The following CSMD1 variants were observed in gnomAD, a reference collection of about 807,000 sequenced individuals.
CSMD1 encodes CUB and sushi domain-containing protein 1.
CSMD1 carries 213 observed loss-of-function variants against 417.5 expected under a neutral mutation model. The ratio of observed to expected loss-of-function variants is 0.51; its 90% CI spans 0.46 to 0.57. CSMD1 has a LOEUF of 0.57. Among genes scored for constraint, CSMD1 ranks in the 20% least tolerant of loss-of-function variants. The pLI is 0.00. For synonymous variants in CSMD1, 2,862 were observed against 1,736.8 expected (o/e 1.65, Z -16.11); for missense variants, 6,923 against 4,529.7 (o/e 1.53, Z -15.17).
At chr8:4,374,967 G>GT (rs1295095355) in intron 3 of CSMD1, among the ~76,000 whole-genome samples, 15 of 133,664 alleles carry the variant, frequency 1.1e-4, no homozygotes, top group Non-Finnish European at 1.8e-4. Context: ...GGGGTGGGGG[G>GT]GGGGGGCGAT....
intron 26 of CSMD1, among the ~76,000 whole-genome samples, chr8:3,283,164 T>C (rs924586478): frequency 1.3e-5 from 2 of 152,164 alleles, no homozygotes; most frequent in African/African-American, 2.4e-5. Context: ...TATTAGCTTC[T>C]TGAAACTTTA....
intron 26 of CSMD1, among the ~76,000 whole-genome samples, chr8:3,254,443 TCTC>T (rs1284550570): frequency 3.9e-5 from 6 of 152,212 alleles, no homozygotes. Context: ...TTGGGGAAGT[TCTC>T]CTGGTTTATA....
At chr8:4,168,718 A>G (rs557356758) in intron 3 of CSMD1, among the ~76,000 whole-genome samples, 1 of 152,300 alleles carries the variant, frequency 6.6e-6, no homozygotes, top group East Asian at 1.9e-4. Flanking sequence ...ACAAAAAAAG[A>G]ACCCAACTCT....
chr8:3,118,721 G>C, intron 41 of CSMD1, 134 bp from the exon 42 acceptor site: 1 of 690,428 alleles, frequency 1.4e-6, no homozygotes. Flanking sequence ...TATTTTCTAA[G>C]TAGTCAGTTG....
intron 5 of CSMD1, among the ~76,000 whole-genome samples, chr8:3,916,173 T>A (rs143216592): frequency 6.6e-6 from 1 of 152,208 alleles, no homozygotes; most frequent in African/African-American, 2.4e-5. Flanking sequence ...TTCAAGAAAT[T>A]GAAGACAACA....
intron 12 of CSMD1, among the ~76,000 whole-genome samples, chr8:3,464,385 A>T (rs1480367916): frequency 6.6e-6 from 1 of 152,124 alleles, no homozygotes; most frequent in Non-Finnish European, 1.5e-5. Context: ...GTTATGAGGG[A>T]ACCCAACTTT....
At chr8:4,084,543 G>T (rs1479258394) in intron 3 of CSMD1, among the ~76,000 whole-genome samples, 1 of 152,044 alleles carries the variant, frequency 6.6e-6, no homozygotes, top group East Asian at 1.9e-4. Context: ...CAAGGAAAAG[G>T]ACAATTGGTA....
intron 3 of CSMD1, among the ~76,000 whole-genome samples, chr8:4,298,791 A>T (rs1328850341): frequency 1.3e-5 from 2 of 152,092 alleles, no homozygotes; most frequent in Non-Finnish European, 2.9e-5. Context: ...ATTTTGAAGA[A>T]TGTGTTTGTA....
In CSMD1 at chr8:4,547,154, G is replaced by C. The variant is rs544547249; in HGVS notation, c.302+90188C>G. ...TCTAAATTATTTCATCAGACCTGCTGTTTTCTGTCTCTATCCCAACCCGTC... is the reference window on the plus strand; with the variant it reads ...TCTAAATTATTTCATCAGACCTGCTCTTTTCTGTCTCTATCCCAACCCGTC... On this transcript the variant is annotated intron_variant, in intron 2 of 69. Transcript: ENST00000635120. Among the ~76,000 whole-genome samples the C allele has an allele frequency of 3.7e-3, 564 of 152,234 alleles. 3 individuals are homozygous for C. Among genetic ancestry groups the C allele is most frequent in the African/African-American group, 0.013 (540 of 41,534 alleles).
At position 3,409,409 on chromosome 8, in the gene CSMD1, G is replaced by C. The variant is rs774051403; in HGVS notation, c.1744+14C>G. Reference sequence around the variant, plus strand: ...CAGGACAGGAGGGAGTCCAGGTCAAGGCATAATACTCACATACACAGCTGG... The same window carrying C: ...CAGGACAGGAGGGAGTCCAGGTCAACGCATAATACTCACATACACAGCTGG... On this transcript the variant is annotated intron_variant, in intron 13 of 69. Coordinates refer to ENST00000635120, the MANE Select transcript of CSMD1 (RefSeq NM_033225.6). 35 of 1,599,910 alleles carry C rather than the reference G, an allele frequency of 2.2e-5. No homozygotes were observed. The highest frequency in any genetic ancestry group is 2.9e-5 in the Non-Finnish European group (34 of 1,172,484).
At chr8:3,016,092 G>A (rs1051669027) in intron 52 of CSMD1, among the ~76,000 whole-genome samples, 18 of 152,134 alleles carry the variant, frequency 1.2e-4, no homozygotes, top group African/African-American at 3.9e-4. Flanking sequence ...TTATCTGCAG[G>A]TCGAAGGAAT....
At chr8:4,613,876 A>G (rs79800686) in intron 2 of CSMD1, among the ~76,000 whole-genome samples, 1 of 151,314 alleles carries the variant, frequency 6.6e-6, no homozygotes, top group African/African-American at 2.4e-5. Context: ...AAAAAAAAAA[A>G]GAAAACGTTC....
chr8:4,382,021 C>G (rs868453378), intron 3 of CSMD1, among the ~76,000 whole-genome samples: 1 of 152,118 alleles, frequency 6.6e-6, no homozygotes, highest in Non-Finnish European at 1.5e-5. Flanking sequence ...AATGGTATAG[C>G]TGGGGTCTGA....
chr8:4,170,837 CAT>C (rs1433587953), intron 3 of CSMD1, among the ~76,000 whole-genome samples: 14 of 151,776 alleles, frequency 9.2e-5, no homozygotes, highest in African/African-American at 3.4e-4. Context: ...TCATTTATAA[CAT>C]AAGCATGAAT....
At chr8:3,169,322 G>A (rs1363103065) in intron 37 of CSMD1, among the ~76,000 whole-genome samples, 1 of 151,934 alleles carries the variant, frequency 6.6e-6, no homozygotes, top group African/African-American at 2.4e-5. Flanking sequence ...GGTAACAAAA[G>A]CAAAAATATA....
chr8:3,356,173 T>C (rs1009708147), intron 21 of CSMD1, among the ~76,000 whole-genome samples: 1 of 152,228 alleles, frequency 6.6e-6, no homozygotes, highest in Non-Finnish European at 1.5e-5. Context: ...CAACCTTTGG[T>C]ATGGATTTGC....
Position 3,571,976 on chromosome 8 carries a change from G to A in CSMD1, c.1344+2969C>T, listed in dbSNP as rs73658201. On this transcript the variant is annotated intron_variant, in intron 10 of 69. Transcript: ENST00000635120. ...GTCTCCTCGTGGATCCCCCTAAAGC[G>A]CAGCCTTCCTAAACGGTAGCCCATT... Among the ~76,000 whole-genome samples the A allele has an allele frequency of 8.6e-3, 1,304 of 152,226 alleles. 17 individuals are homozygous for A. The highest frequency in any genetic ancestry group is 0.03 in the African/African-American group (1,242 of 41,524).
chr8:3,994,926 T>G (rs765094752), intron 5 of CSMD1, among the ~76,000 whole-genome samples: 8 of 152,196 alleles, frequency 5.3e-5, no homozygotes, highest in Non-Finnish European at 8.8e-5. Flanking sequence ...AGATCATATG[T>G]GTATCTGCCC....
At chr8:4,367,544 G>A (rs1802150847) in intron 3 of CSMD1, among the ~76,000 whole-genome samples, 2 of 152,022 alleles carry the variant, frequency 1.3e-5, no homozygotes, top group African/African-American at 4.8e-5. Context: ...CTAATGTGGG[G>A]CTCTTTGGGC....
Sources: gnomAD v4.1 joint callset for allele counts (sites outside exome capture counted in the v4.1 genomes callset) on GRCh38, gnomAD v4.1.1 for gene constraint, MANE v1.5 for transcripts, NCBI Gene and HGNC (gene_info 2026-07-23, HGNC 2026-07-21) for gene names.